Variants in PTPRT observed in about 807,000 individuals in gnomAD.
PTPRT encodes the protein receptor-type tyrosine-protein phosphatase T.
PTPRT carries 56 observed loss-of-function variants against 176.8 expected under a neutral mutation model. The ratio of observed to expected loss-of-function variants is 0.32; its 90% CI spans 0.26 to 0.40. The LOEUF is 0.40. Ranked by LOEUF, PTPRT falls within the 10% of genes least tolerant of loss-of-function variation. PTPRT has a pLI of 1.00. For missense variants in PTPRT, 1,540 were observed against 1,908.2 expected, an observed-to-expected ratio of 0.81 and a Z score of 3.60; for synonymous variants, 783 against 739.0, an observed-to-expected ratio of 1.06 and a Z score of -0.96.
chr20:42,978,640 C>T (rs750400440), intron 1 of PTPRT, among the ~76,000 whole-genome samples: 2 of 152,008 alleles, frequency 1.3e-5, no homozygotes, highest in Admixed American at 6.6e-5. Context: ...GATAGGAGGT[C>T]GGCACAAGAT....
intron 1 of PTPRT, among the ~76,000 whole-genome samples, chr20:42,967,564 G>C (rs1982371821): frequency 6.6e-6 from 1 of 152,142 alleles, no homozygotes; most frequent in African/African-American, 2.4e-5. Context: ...CTTGATTTCA[G>C]ACTGTGGACC....
chr20:42,139,098 A>C (rs555622403), intron 18 of PTPRT, among the ~76,000 whole-genome samples: 1 of 152,158 alleles, frequency 6.6e-6, no homozygotes, highest in African/African-American at 2.4e-5. Context: ...TACATATCCC[A>C]TTTCAATTCC....
intron 7 of PTPRT, among the ~76,000 whole-genome samples, chr20:42,624,313 A>G (rs1327891044): frequency 6.6e-6 from 1 of 152,238 alleles, no homozygotes; most frequent in Non-Finnish European, 1.5e-5. Context: ...TTGTGATTCA[A>G]CATATAGTAA....
At chr20:42,333,791 C>T (rs1432283184) in intron 11 of PTPRT, among the ~76,000 whole-genome samples, 1 of 152,160 alleles carries the variant, frequency 6.6e-6, no homozygotes, top group East Asian at 1.9e-4. Context: ...CTAGATTCTT[C>T]TGCCTCAGCC....
chr20:42,594,639 C>T (rs1041628588), intron 7 of PTPRT, among the ~76,000 whole-genome samples: 1 of 152,148 alleles, frequency 6.6e-6, no homozygotes, highest in Non-Finnish European at 1.5e-5. Context: ...TTGGTTCCAC[C>T]TTTTCTCCAG....
At chr20:42,398,922 C>T (rs1016938432) in intron 9 of PTPRT, among the ~76,000 whole-genome samples, 3 of 152,174 alleles carry the variant, frequency 2.0e-5, no homozygotes, top group African/African-American at 7.2e-5. Context: ...CCAAGATGGC[C>T]TCACTCATAC....
chr20:42,513,627 G>C (rs1429717979), intron 7 of PTPRT, among the ~76,000 whole-genome samples: 2 of 152,000 alleles, frequency 1.3e-5, no homozygotes, highest in African/African-American at 4.8e-5. Flanking sequence ...CCAGGTGCTG[G>C]GAAATATATA....
At position 42,926,440 on chromosome 20, in the gene PTPRT, T is replaced by C. The variant is rs140439764; in HGVS notation, c.89-40508A>G. ...ACTCTTAGTGCAATTCACCCCACTG[T>C]GCCTTATGTTTGAAGGAGCTTATAG... is the stretch of plus-strand genomic sequence containing the variant. On this transcript the variant is annotated intron_variant, in intron 1 of 30. Coordinates refer to ENST00000373187, the MANE Select transcript of PTPRT (RefSeq NM_007050.6). Among the ~76,000 whole-genome samples the C allele has an allele frequency of 2.5e-3, 385 of 152,314 alleles. 1 individual carries two copies. The highest frequency in any genetic ancestry group is 8.8e-3 in the African/African-American group (365 of 41,568).
intron 5 of PTPRT, among the ~76,000 whole-genome samples, chr20:42,758,670 C>G (rs2076871985): frequency 6.6e-6 from 1 of 152,182 alleles, no homozygotes; most frequent in Non-Finnish European, 1.5e-5. Flanking sequence ...CCATAACTCC[C>G]TCTCATGCCA....
At chr20:42,745,973 C>G (rs2145360326) in intron 6 of PTPRT, among the ~76,000 whole-genome samples, 1 of 152,292 alleles carries the variant, frequency 6.6e-6, no homozygotes, top group African/African-American at 2.4e-5. Context: ...TAACTACAGA[C>G]TTTGCAGCTT....
chr20:42,723,237 G>A (rs955492174), intron 6 of PTPRT, among the ~76,000 whole-genome samples: 2 of 152,158 alleles, frequency 1.3e-5, no homozygotes, highest in African/African-American at 4.8e-5. Flanking sequence ...TTGCAAAGAA[G>A]GGATTATTGT....
intron 1 of PTPRT, among the ~76,000 whole-genome samples, chr20:43,050,815 T>C (rs1987014794): frequency 6.6e-6 from 1 of 152,208 alleles, no homozygotes; most frequent in African/African-American, 2.4e-5. Context: ...ATGGGCCTGA[T>C]CTCTGTCCTC....
intron 12 of PTPRT, among the ~76,000 whole-genome samples, chr20:42,314,576 A>G (rs960518384): frequency 6.6e-6 from 1 of 151,794 alleles, no homozygotes; most frequent in Non-Finnish European, 1.5e-5. Flanking sequence ...AGAAATATGA[A>G]AATATGACCA....
intron 18 of PTPRT, among the ~76,000 whole-genome samples, chr20:42,137,566 T>C (rs1021088825): frequency 2.0e-5 from 3 of 152,330 alleles, no homozygotes; most frequent in Middle Eastern, 3.4e-3. Flanking sequence ...GCTCTGGTCA[T>C]GGCTGTTCTA....
intron 1 of PTPRT, among the ~76,000 whole-genome samples, chr20:42,975,711 G>A (rs1453238388): frequency 6.6e-6 from 1 of 152,064 alleles, no homozygotes; most frequent in Non-Finnish European, 1.5e-5. Flanking sequence ...CTACTTTTCT[G>A]GAGGCTATAG....
At chr20:42,843,996 G>C (rs190535338) in intron 2 of PTPRT, among the ~76,000 whole-genome samples, 294 of 152,312 alleles carry the variant, frequency 1.9e-3, no homozygotes, top group Admixed American at 5.0e-3. Context: ...CGTAACAATA[G>C]AAGATAATGA....
chr20:42,441,066 C>T (rs2059311839), intron 9 of PTPRT, among the ~76,000 whole-genome samples: 1 of 152,208 alleles, frequency 6.6e-6, no homozygotes, highest in South Asian at 2.1e-4. Context: ...GACCACCAAT[C>T]TGTCAAACCG....
At chr20:42,933,822 T>A in intron 1 of PTPRT, among the ~76,000 whole-genome samples, 1 of 152,168 alleles carries the variant, frequency 6.6e-6, no homozygotes, top group South Asian at 2.1e-4. Context: ...TAAGCATCTA[T>A]CACCAGCCAG....
chr20:42,622,017 A>G (rs1262526866), intron 7 of PTPRT, among the ~76,000 whole-genome samples: 2 of 152,182 alleles, frequency 1.3e-5, no homozygotes, highest in African/African-American at 2.4e-5. Context: ...GTACTCTCAG[A>G]TTCAAATTTC....
Sources: gnomAD v4.1 joint callset for allele counts (sites outside exome capture counted in the v4.1 genomes callset) on GRCh38, gnomAD v4.1.1 for gene constraint, MANE v1.5 for transcripts, NCBI Gene and HGNC (gene_info 2026-07-23, HGNC 2026-07-21) for gene names.